Variants in DAPK2 observed in about 807,000 individuals in gnomAD.
DAPK2 encodes the protein death associated protein kinase 2.
Under a neutral mutation model 44.1 loss-of-function variants are expected in DAPK2, and 35 were observed. The ratio of observed to expected loss-of-function variants is 0.79; its 90% CI spans 0.61 to 1.05. The LOEUF (loss-of-function observed/expected upper bound fraction) is 1.05, where lower values mean the gene tolerates loss of function less well. DAPK2 is among the 50% of genes least tolerant of loss of function. The pLI, the probability that DAPK2 is intolerant of heterozygous loss-of-function variation, is 0.00. For synonymous variants in DAPK2, 174 were observed against 182.6 expected (o/e 0.95, Z 0.38); for missense variants, 453 against 483.2 (o/e 0.94, Z 0.59).
intron 1 of DAPK2, among the ~76,000 whole-genome samples, chr15:63,996,198 C>G (rs2078945873): frequency 6.6e-6 from 1 of 152,160 alleles, no homozygotes; most frequent in Non-Finnish European, 1.5e-5. Flanking sequence ...CTTTGTGAGG[C>G]TGAGACAGGA....
intron 4 of DAPK2, among the ~76,000 whole-genome samples, chr15:63,932,130 G>GCA (rs970321558): frequency 7.1e-6 from 1 of 140,502 alleles, no homozygotes; most frequent in African/African-American, 2.6e-5. Flanking sequence ...TCATGCCACT[G>GCA]CACGCCAGCC....
chr15:63,956,175 G>C (rs1347322749), intron 3 of DAPK2, among the ~76,000 whole-genome samples: 1 of 151,922 alleles, frequency 6.6e-6, no homozygotes, highest in Non-Finnish European at 1.5e-5. Context: ...TTATTTATTT[G>C]GGTCTTTTTT....
At position 64,046,320 on chromosome 15, in the gene DAPK2, G is replaced by C. The variant is rs1353971724; in HGVS notation, c.-29C>G. 1 of 974,716 alleles carries C rather than the reference G, an allele frequency of 1.0e-6. No individual in the cohort carries two copies. The highest frequency in any genetic ancestry group is 1.9e-5 in the African/African-American group (1 of 53,966). The allele number at this position is 974,716 out of a possible 1,614,324, so 60.4% of individuals were successfully genotyped here. A position where few individuals can be genotyped will look rare whatever the true frequency, so the allele number is the denominator to read the frequency against. On this transcript the variant is annotated 5_prime_UTR_variant, in exon 1 of 12. Transcript: ENST00000457488. The surrounding 1 kb of genome is among the most constrained non-coding windows in gnomAD (Gnocchi z 5.3). ...CACGGCGGGAGGCTGAGCTGCCGCG[G>C]TCGCGGCCGCGGCAGGCGCGGCGGG...
intron 3 of DAPK2, among the ~76,000 whole-genome samples, chr15:63,951,863 C>A (rs2140533773): frequency 6.6e-6 from 1 of 152,356 alleles, no homozygotes; most frequent in African/African-American, 2.4e-5. Flanking sequence ...CCCATTCACT[C>A]ATTTGTTCGA....
chr15:63,971,280 T>G lies in DAPK2; in HGVS notation c.453+143A>C, dbSNP rs569905128. On this transcript the variant is annotated intron_variant, in intron 3 of 10. Coordinates refer to ENST00000261891, the Ensembl canonical transcript of DAPK2. ...GAAGGTGGACATTTCCGTGGCATCATCTTTCCCATGAGCTCAGGGTTTTTC... is the reference window on the plus strand; with the variant it reads ...GAAGGTGGACATTTCCGTGGCATCAGCTTTCCCATGAGCTCAGGGTTTTTC... 5 of 1,050,982 alleles carry G rather than the reference T, an allele frequency of 4.8e-6. No homozygotes were observed. In the African/African-American group the frequency reaches 8.0e-5, roughly 17 times the overall value. 65.1% of individuals were successfully genotyped at this position (1,050,982 alleles called of 1,614,324 possible).
chr15:64,001,599 C>T (rs1023523837), intron 1 of DAPK2, among the ~76,000 whole-genome samples: 3 of 152,166 alleles, frequency 2.0e-5, no homozygotes, highest in Admixed American at 6.5e-5. Context: ...AGTGTGCCCC[C>T]CTCCCCACTC....
chr15:63,982,187 CTTTTTT>C (rs5813271), intron 2 of DAPK2, among the ~76,000 whole-genome samples: 2 of 107,874 alleles, frequency 1.9e-5, no homozygotes, highest in Non-Finnish European at 3.5e-5. Context: ...TCAGAATATT[CTTTTTT>C]TTTTTTTTTT....
rs1418462641 is a variant in DAPK2, at chr15:63,912,449, G to A, written c.859-252C>T. On this transcript the variant is annotated intron_variant, in intron 8 of 10. Coordinates refer to ENST00000261891, the Ensembl canonical transcript of DAPK2. The surrounding 1 kb of genome is among the most constrained non-coding windows in gnomAD (Gnocchi z 4.4). ...ACACACAGCCTTGGCTGGAGGCTCA[G>A]CAGCTCCTGAAGGGGAATAGCAGGA... 1.3e-5 allele frequency among the ~76,000 whole-genome samples: 2 copies of A among 152,240 alleles called. No individual in the cohort carries two copies. The highest frequency in any genetic ancestry group is 1.9e-4 in the East Asian group (1 of 5,206).
At chr15:64,038,221 C>A (rs1258116841) in intron 1 of DAPK2, among the ~76,000 whole-genome samples, 1 of 152,204 alleles carries the variant, frequency 6.6e-6, no homozygotes, top group East Asian at 1.9e-4. Context: ...ATGTATGTAA[C>A]TGCCAGGGTG....
At chr15:64,040,563 T>C (rs2080325343), upstream of DAPK2, among the ~76,000 whole-genome samples, 1 of 152,110 alleles carries the variant, frequency 6.6e-6, no homozygotes, top group African/African-American at 2.4e-5. Context: ...ACTTCAGCTA[T>C]TTGTTTTCAT....
Position 63,911,713 on chromosome 15 carries a change from C to T in DAPK2, c.1032+195G>A. The T allele has an allele frequency of 4.9e-6, 3 of 614,528 alleles. No individual in the cohort carries two copies. The South Asian group carries it at 5.9e-5, about 12-fold the overall frequency. 38.1% of individuals were successfully genotyped at this position (614,528 alleles called of 1,614,324 possible). A position where few individuals can be genotyped will look rare whatever the true frequency, so the allele number is the denominator to read the frequency against. On this transcript the variant is annotated intron_variant, in intron 10 of 10. Transcript: ENST00000261891. ...CTGCATCAGTGGTCCCCTCCCGGCACCACCCAGAGGTCCCCAGAACACACT... is the reference window on the plus strand; with the variant it reads ...CTGCATCAGTGGTCCCCTCCCGGCATCACCCAGAGGTCCCCAGAACACACT...
At chr15:63,968,622 C>G (rs561048965) in intron 3 of DAPK2, among the ~76,000 whole-genome samples, 1 of 152,206 alleles carries the variant, frequency 6.6e-6, no homozygotes. Context: ...CTACTATTAC[C>G]GAGCACCTAT....
At chr15:63,933,877 G>A (rs1050388552) in intron 4 of DAPK2, among the ~76,000 whole-genome samples, 2 of 152,092 alleles carry the variant, frequency 1.3e-5, no homozygotes, top group Non-Finnish European at 2.9e-5. Flanking sequence ...TTACAGGCTT[G>A]AGCCACCACT....
chr15:63,933,614 T>C (rs1446148623), intron 4 of DAPK2, among the ~76,000 whole-genome samples: 1 of 151,228 alleles, frequency 6.6e-6, no homozygotes, highest in Non-Finnish European at 1.5e-5. Context: ...TTTTTTTTTT[T>C]TTGAGACAGG....
At chr15:63,987,169 C>T (rs1236641724) in intron 1 of DAPK2, among the ~76,000 whole-genome samples, 1 of 152,156 alleles carries the variant, frequency 6.6e-6, no homozygotes, top group Non-Finnish European at 1.5e-5. Context: ...CCACTGTACT[C>T]AGCAGATGCA....
At chr15:63,964,686 C>CTCACTAAT (rs1406743933) in intron 3 of DAPK2, among the ~76,000 whole-genome samples, 2 of 151,674 alleles carry the variant, frequency 1.3e-5, no homozygotes, top group Non-Finnish European at 2.9e-5. Flanking sequence ...TATCTTCAAG[C>CTCACTAAT]TCACTAATTC....
At chr15:63,953,716 G>T (rs1223283760) in intron 3 of DAPK2, among the ~76,000 whole-genome samples, 1 of 152,178 alleles carries the variant, frequency 6.6e-6, no homozygotes, top group Non-Finnish European at 1.5e-5. Context: ...CATAGTGGTT[G>T]TATTAACTTA....
intron 1 of DAPK2, among the ~76,000 whole-genome samples, chr15:64,023,569 G>A (rs1190625932): frequency 6.6e-6 from 1 of 152,238 alleles, no homozygotes; most frequent in Non-Finnish European, 1.5e-5. Flanking sequence ...GAGAGCCTCT[G>A]ATGTGTCTCA....
chr15:63,945,495 G>C (rs781729746), intron 3 of DAPK2, among the ~76,000 whole-genome samples: 3 of 152,200 alleles, frequency 2.0e-5, no homozygotes, highest in African/African-American at 7.2e-5. Flanking sequence ...CTGTGATGCG[G>C]ATGGAGCAGG....
Sources: gnomAD v4.1 joint callset for allele counts (sites outside exome capture counted in the v4.1 genomes callset) on GRCh38, gnomAD v4.1.1 for gene constraint, Gnocchi (gnomAD v3.1) non-coding constraint, MANE v1.5 for transcripts, NCBI Gene and HGNC (gene_info 2026-07-23, HGNC 2026-07-21) for gene names.